ZFHX3: variants seen among roughly 807,000 people sequenced by gnomAD.
ZFHX3 encodes the protein zinc finger homeobox protein 3.
A neutral mutation model predicts 279.1 loss-of-function variants in ZFHX3; 42 were observed. That is an observed-to-expected ratio of 0.15 (90% CI 0.12 to 0.19). The LOEUF is 0.19. ZFHX3 is among the 10% of genes least tolerant of loss of function. The pLI is 1.00. For synonymous variants in ZFHX3, 2,293 were observed against 1,957.8 expected (o/e 1.17, Z -4.52); for missense variants, 4,981 against 4,754.0 (o/e 1.05, Z -1.40).
At chr16:73,215,086 A>G (rs185055367) in intron 5 of ZFHX3, among the ~76,000 whole-genome samples, 3 of 152,280 alleles carry the variant, frequency 2.0e-5, no homozygotes, top group African/African-American at 4.8e-5. Flanking sequence ...AGCTGATGCT[A>G]TAAATTAAAA....
chr16:73,191,734 T>TC (rs397968889), intron 5 of ZFHX3, among the ~76,000 whole-genome samples: 11 of 151,850 alleles, frequency 7.2e-5, no homozygotes, highest in African/African-American at 1.9e-4. Flanking sequence ...CTTTTTTTTT[T>TC]CTGCGGGAAG....
At chr16:73,128,552 C>A (rs773088510) in intron 7 of ZFHX3, among the ~76,000 whole-genome samples, 2 of 151,926 alleles carry the variant, frequency 1.3e-5, no homozygotes, top group Non-Finnish European at 2.9e-5. Flanking sequence ...TATACTGGCT[C>A]TCAGCTTGGG....
At chr16:73,035,510 T>C (rs999067221) in intron 1 of ZFHX3, among the ~76,000 whole-genome samples, 1 of 152,228 alleles carries the variant, frequency 6.6e-6, no homozygotes, top group Non-Finnish European at 1.5e-5. Flanking sequence ...TGAACAATCT[T>C]AGTATCCAAC....
rs769839279 is a variant in ZFHX3, at chr16:72,787,921, A to G, written c.10355T>C (p.Leu3452Pro). 1 of 1,613,938 alleles carries G rather than the reference A, an allele frequency of 6.2e-7. No individual in the cohort carries two copies. The highest frequency in any genetic ancestry group is 2.2e-5 in the East Asian group (1 of 44,836). Residue 3452 changes from leucine to proline, a missense_variant, in exon 10 of 10, where the codon CTC becomes CCC. Physicochemically the swap from Leu to Pro is moderately conservative, Grantham distance 98 (BLOSUM62 -3). Coordinates refer to ENST00000268489, the MANE Select transcript of ZFHX3 (RefSeq NM_006885.4). ...CTTTGGAACAATGAAGGGGTCGTAG[A>G]GGGAGTCCGCACTTTTGCTTTCTGC... The part of the protein sequence containing the change: ...PEAESKSADS[L>P]YDPFIVPKVQ...
At chr16:72,983,504 C>A (rs547931581) in intron 1 of ZFHX3, among the ~76,000 whole-genome samples, 15 of 152,180 alleles carry the variant, frequency 9.9e-5, no homozygotes, top group African/African-American at 3.6e-4. Context: ...CCTGGCAGTT[C>A]GAGGCCAGCC....
At chr16:73,531,714 C>CAAAAAA (rs34119200) in intron 2 of ZFHX3, among the ~76,000 whole-genome samples, 3 of 81,146 alleles carry the variant, frequency 3.7e-5, no homozygotes, top group African/African-American at 4.8e-5. Flanking sequence ...AACCCTGTCT[C>CAAAAAA]AAAAAAAAAA....
chr16:73,563,281 G>A (rs373670894), intron 2 of ZFHX3, among the ~76,000 whole-genome samples: 2 of 148,576 alleles, frequency 1.3e-5, no homozygotes, highest in East Asian at 2.1e-4. Context: ...TCTGCCACCC[G>A]GGCTGGAGCG....
At chr16:73,775,701 T>G (rs1013650549) in intron 1 of ZFHX3, among the ~76,000 whole-genome samples, 2 of 152,036 alleles carry the variant, frequency 1.3e-5, no homozygotes, top group African/African-American at 4.8e-5. Flanking sequence ...CCAGAGGAAA[T>G]AGTTTTCAGA....
chr16:73,365,084 A>G (rs2016507683), intron 3 of ZFHX3, among the ~76,000 whole-genome samples: 2 of 152,046 alleles, frequency 1.3e-5, no homozygotes, highest in South Asian at 4.1e-4. Context: ...GATGTTTGTG[A>G]AGTGCCACAT....
chr16:72,804,206 A>T (rs2036195469), intron 7 of ZFHX3, among the ~76,000 whole-genome samples: 1 of 152,226 alleles, frequency 6.6e-6, no homozygotes, highest in African/African-American at 2.4e-5. Flanking sequence ...TTCCAAAATA[A>T]CACAGTTGAA....
At chr16:73,225,681 G>A (rs925313071) in intron 5 of ZFHX3, among the ~76,000 whole-genome samples, 2 of 152,206 alleles carry the variant, frequency 1.3e-5, no homozygotes, top group Admixed American at 1.3e-4. Flanking sequence ...TAGGGGTACT[G>A]AAGACACTAA....
In ZFHX3 at chr16:73,458,468, C is replaced by T. The variant is rs535886524; in HGVS notation, c.-1546-2210G>A. On this transcript the variant is annotated intron_variant, in intron 2 of 17. Transcript: ENST00000641206. ...TTGGCTCACTGCAACCTCCGCCTCC[C>T]GGGTTCAAGCAAATCTCATGCCTCA... 1.2e-3 allele frequency among the ~76,000 whole-genome samples: 182 copies of T among 151,970 alleles called. 4 individuals are homozygous for T. The South Asian group carries it at 0.035, about 30-fold the overall frequency.
At chr16:73,887,220 C>A (rs2030375807) in intron 1 of ZFHX3, among the ~76,000 whole-genome samples, 2 of 152,128 alleles carry the variant, frequency 1.3e-5, no homozygotes, top group Non-Finnish European at 2.9e-5. Context: ...CTAGCTGTGA[C>A]AGCGTGTTGG....
chr16:73,131,822 C>T (rs1011040861), intron 6 of ZFHX3, among the ~76,000 whole-genome samples: 1 of 152,184 alleles, frequency 6.6e-6, no homozygotes, highest in Non-Finnish European at 1.5e-5. Context: ...ACATTCCTTT[C>T]CCAGCAAGTT....
intron 5 of ZFHX3, among the ~76,000 whole-genome samples, chr16:73,209,459 C>G (rs968740780): frequency 1.3e-5 from 2 of 152,044 alleles, no homozygotes; most frequent in Non-Finnish European, 1.5e-5. Flanking sequence ...CCTTGAATGC[C>G]GCATCCTTTT....
At chr16:72,840,118 T>C (rs1457825014) in intron 4 of ZFHX3, among the ~76,000 whole-genome samples, 1 of 147,400 alleles carries the variant, frequency 6.8e-6, no homozygotes, top group Non-Finnish European at 1.5e-5. Context: ...ATCTTATGCT[T>C]AATGCAAAAA....
upstream of ZFHX3, among the ~76,000 whole-genome samples, chr16:73,049,722 G>A (rs1306575331): frequency 2.0e-5 from 3 of 152,118 alleles, no homozygotes; most frequent in Admixed American, 2.0e-4. Context: ...CCGGGTGGGG[G>A]GAGTTAAGAG....
intron 1 of ZFHX3, among the ~76,000 whole-genome samples, chr16:72,964,097 G>A (rs988808036): frequency 2.6e-5 from 4 of 152,174 alleles, no homozygotes; most frequent in Admixed American, 2.0e-4. Context: ...CTGCTCTGCC[G>A]GAGGGAGAAG....
chr16:73,632,766 G>A (rs947311112), intron 2 of ZFHX3, among the ~76,000 whole-genome samples: 1 of 151,600 alleles, frequency 6.6e-6, no homozygotes, highest in South Asian at 2.1e-4. Flanking sequence ...AGCAATGGAC[G>A]AAGTTAACAT....
Sources: gnomAD v4.1 joint callset for allele counts (sites outside exome capture counted in the v4.1 genomes callset) on GRCh38, gnomAD v4.1.1 for gene constraint, MANE v1.5 for transcripts, NCBI Gene and HGNC (gene_info 2026-07-23, HGNC 2026-07-21) for gene names.